Variants in ANO4 observed in about 807,000 individuals in gnomAD.
ANO4 encodes anoctamin 4.
In ANO4, 69 loss-of-function variants were observed where a neutral mutation model predicts 141.9. The observed-to-expected ratio is 0.49, with a 90% CI of 0.40 to 0.59. ANO4 has a LOEUF of 0.59. Ranked by LOEUF, ANO4 falls within the 20% of genes least tolerant of loss-of-function variation. ANO4 has a pLI of 0.00. For missense variants in ANO4, 894 were observed against 1,162.2 expected, an observed-to-expected ratio of 0.77 and a Z score of 3.36; for synonymous variants, 350 against 394.3, an observed-to-expected ratio of 0.89 and a Z score of 1.33.
At chr12:100,795,092 T>A (rs2034222243) in intron 1 of ANO4, 65 bp downstream of exon 1, 2 of 152,726 alleles carry the variant, frequency 1.3e-5, no homozygotes, top group Admixed American at 1.3e-4. Flanking sequence ...GTTCCCCCTC[T>A]TCCCAGCTAA....
intron 3 of ANO4, among the ~76,000 whole-genome samples, chr12:100,753,402 A>G (rs1294956452): frequency 6.6e-6 from 1 of 152,166 alleles, no homozygotes; most frequent in Non-Finnish European, 1.5e-5. Flanking sequence ...CTCAGATCTG[A>G]GTCCTTTAGG....
chr12:100,759,446 T>C (rs936942642), intron 3 of ANO4, among the ~76,000 whole-genome samples: 3 of 152,196 alleles, frequency 2.0e-5, no homozygotes, highest in African/African-American at 7.2e-5. Context: ...TTCTTTCTCC[T>C]TGTTCTTCTC....
At chr12:101,023,900 T>C (rs1026603867) in intron 9 of ANO4, among the ~76,000 whole-genome samples, 3 of 152,244 alleles carry the variant, frequency 2.0e-5, no homozygotes, top group African/African-American at 7.2e-5. Flanking sequence ...ATAGAACTAA[T>C]GTTTATCCAG....
chr12:101,045,696 A>G (rs1453947858), intron 13 of ANO4, among the ~76,000 whole-genome samples: 1 of 152,200 alleles, frequency 6.6e-6, no homozygotes, highest in African/African-American at 2.4e-5. Flanking sequence ...TTTTGCCAGA[A>G]CAGATACTGG....
At chr12:101,120,196 C>G (rs1028504459) in intron 25 of ANO4, among the ~76,000 whole-genome samples, 15 of 152,112 alleles carry the variant, frequency 9.9e-5, no homozygotes, top group African/African-American at 3.6e-4. Flanking sequence ...AGGCTTTTGC[C>G]TTCTGTGGGC....
At chr12:100,922,011 G>A (rs2041654330) in intron 2 of ANO4, among the ~76,000 whole-genome samples, 1 of 151,394 alleles carries the variant, frequency 6.6e-6, no homozygotes, top group Non-Finnish European at 1.5e-5. Flanking sequence ...ATTTTGCATT[G>A]GAAATACAAG....
At chr12:101,057,443 A>G (rs1451921637) in intron 14 of ANO4, among the ~76,000 whole-genome samples, 1 of 152,194 alleles carries the variant, frequency 6.6e-6, no homozygotes, top group Non-Finnish European at 1.5e-5. Flanking sequence ...GGTTTCCACA[A>G]TGATTGAACT....
chr12:100,800,580 C>T (rs2034623266), intron 1 of ANO4, among the ~76,000 whole-genome samples: 1 of 152,172 alleles, frequency 6.6e-6, no homozygotes, highest in Admixed American at 6.5e-5. Context: ...TTTTTAGCTT[C>T]TGATTTTGTG....
At chr12:100,892,488 G>GT (rs2040153437) in intron 1 of ANO4, among the ~76,000 whole-genome samples, 1 of 152,116 alleles carries the variant, frequency 6.6e-6, no homozygotes, top group Non-Finnish European at 1.5e-5. Flanking sequence ...CAAAATCAAC[G>GT]TAACAGAAGT....
intron 1 of ANO4, among the ~76,000 whole-genome samples, chr12:100,802,206 G>T (rs1195950780): frequency 6.6e-6 from 1 of 152,158 alleles, no homozygotes; most frequent in Admixed American, 6.5e-5. Context: ...TAAAAATTTA[G>T]TTATTTTTTT....
chr12:101,002,261 T>G (rs2045677457), intron 8 of ANO4, among the ~76,000 whole-genome samples: 2 of 152,244 alleles, frequency 1.3e-5, no homozygotes, highest in African/African-American at 2.4e-5. Context: ...AAGGACATCC[T>G]TCCTCTAGGA....
Position 101,110,505 on chromosome 12 carries a change from A to G in ANO4, c.2251A>G (p.Lys751Glu). Reference protein sequence around the residue: ...NIIEIRLDAYKFVTQWRRPLA... With the variant: ...NIIEIRLDAYEFVTQWRRPLA... The stretch of plus-strand genomic sequence containing the variant: ...AATTGAAATTCGACTTGATGCTTAC[A>G]AATTTGTCACACAGTGGAGGAGACC... The change falls in exon 23 of 28, where the codon AAA becomes GAA. Residue 751 changes from lysine to glutamate, a missense_variant. Around this residue, in one of 2 missense-constraint regions of ANO4, gnomAD observed 637 missense variants for 909.2 expected, o/e 0.70. Coordinates refer to ENST00000392977, the MANE Select transcript of ANO4 (RefSeq NM_001286615.2). 6.2e-6 allele frequency: 10 copies of G among 1,611,554 alleles called. No individual in the cohort carries two copies. Among genetic ancestry groups the G allele is most frequent in the Non-Finnish European group, 8.5e-6 (10 of 1,178,802 alleles).
chr12:101,027,505 C>T (rs2046792052), intron 9 of ANO4, among the ~76,000 whole-genome samples: 1 of 152,234 alleles, frequency 6.6e-6, no homozygotes, highest in Non-Finnish European at 1.5e-5. Flanking sequence ...TAACTCCAGG[C>T]CATGCTTTTC....
At chr12:101,088,825 C>T (rs1325318985) in intron 17 of ANO4, among the ~76,000 whole-genome samples, 1 of 151,980 alleles carries the variant, frequency 6.6e-6, no homozygotes, top group East Asian at 1.9e-4. Context: ...GAGTTCACGA[C>T]TGCAGTGAGT....
intron 2 of ANO4, among the ~76,000 whole-genome samples, chr12:100,921,820 A>G (rs1478965411): frequency 6.6e-6 from 1 of 152,158 alleles, no homozygotes; most frequent in African/African-American, 2.4e-5. Flanking sequence ...ATCCTTAAGA[A>G]TGAATTATTA....
chr12:100,728,731 C>T (rs1232960588), intron 1 of ANO4, among the ~76,000 whole-genome samples: 1 of 152,138 alleles, frequency 6.6e-6, no homozygotes, highest in African/African-American at 2.4e-5. Flanking sequence ...ATTCCACCAC[C>T]TTTTCTTTTT....
chr12:100,876,165 G>A (rs1257001848), intron 1 of ANO4, among the ~76,000 whole-genome samples: 1 of 151,820 alleles, frequency 6.6e-6, no homozygotes, highest in Admixed American at 6.6e-5. Context: ...AGCTTGTCCT[G>A]GGAGGAATTC....
chr12:100,874,949 A>G (rs1224296858), intron 1 of ANO4, among the ~76,000 whole-genome samples: 1 of 152,136 alleles, frequency 6.6e-6, no homozygotes, highest in African/African-American at 2.4e-5. Context: ...CTTGAAAGTA[A>G]CTAACTTGTT....
intron 3 of ANO4, among the ~76,000 whole-genome samples, chr12:100,746,969 C>A (rs1000507602): frequency 6.6e-6 from 1 of 152,154 alleles, no homozygotes; most frequent in Non-Finnish European, 1.5e-5. Flanking sequence ...AGTTTCTCAA[C>A]CTTGGTGCCG....
Sources: gnomAD v4.1 joint callset for allele counts (sites outside exome capture counted in the v4.1 genomes callset) on GRCh38, gnomAD v4.1.1 for gene constraint, gnomAD v4.1.1 regional missense constraint, MANE v1.5 for transcripts, NCBI Gene and HGNC (gene_info 2026-07-23, HGNC 2026-07-21) for gene names.